LAMA3: variants seen among roughly 807,000 people sequenced by gnomAD.
LAMA3 encodes the protein laminin subunit alpha 3, also known as laminin subunit alpha-3.
LAMA3 carries 281 observed loss-of-function variants against 402.0 expected under a neutral mutation model. The observed-to-expected ratio is 0.70, with a 90% CI of 0.63 to 0.77. The LOEUF is 0.77. Among genes scored for constraint, LAMA3 ranks in the 30% least tolerant of loss-of-function variants. LAMA3 has a pLI of 0.00. For missense variants in LAMA3, 3,840 were observed against 4,215.5 expected, an observed-to-expected ratio of 0.91 and a Z score of 2.47; for synonymous variants, 1,431 against 1,558.4, an observed-to-expected ratio of 0.92 and a Z score of 1.93.
intron 15 of LAMA3, 54 bp from the exon 16 acceptor site, chr18:23,815,134 A>G: frequency 7.9e-6 from 12 of 1,510,762 alleles, no homozygotes; most frequent in Non-Finnish European, 1.1e-5. Context: ...TCCCAGAGCC[A>G]GGAACTGTCT....
intron 1 of LAMA3, among the ~76,000 whole-genome samples, chr18:23,698,307 C>T (rs1028944306): frequency 5.3e-5 from 8 of 150,966 alleles, no homozygotes; most frequent in East Asian, 3.9e-4. Context: ...CCCGGGTTCA[C>T]GCCATTCTCC....
chr18:23,947,755 T>C (rs965505743), intron 70 of LAMA3, among the ~76,000 whole-genome samples: 1 of 151,884 alleles, frequency 6.6e-6, no homozygotes, highest in Non-Finnish European at 1.5e-5. Flanking sequence ...ACACATTAAT[T>C]GCTAAGGAGG....
intron 31 of LAMA3, 118 bp from the exon 32 acceptor site, chr18:23,847,346 T>A: frequency 9.3e-7 from 1 of 1,079,304 alleles, no homozygotes; most frequent in Non-Finnish European, 1.4e-6. Flanking sequence ...GCCTTTCAGA[T>A]CCAAATATTT....
At chr18:23,780,982 C>A (rs1463024585) in intron 11 of LAMA3, among the ~76,000 whole-genome samples, 3 of 152,136 alleles carry the variant, frequency 2.0e-5, no homozygotes, top group Non-Finnish European at 4.4e-5. Flanking sequence ...TTAGGAAGTT[C>A]TCAAAATAAT....
At chr18:23,885,705 A>G (rs73967622) in intron 41 of LAMA3, among the ~76,000 whole-genome samples, 5,601 of 152,268 alleles carry the variant, frequency 0.037, 224 homozygotes, top group African/African-American at 0.1. Flanking sequence ...TATGGTTTAC[A>G]TATTTTAAAA....
intron 32 of LAMA3, among the ~76,000 whole-genome samples, chr18:23,856,871 T>G (rs1321038048): frequency 1.3e-5 from 2 of 152,182 alleles, no homozygotes; most frequent in African/African-American, 4.8e-5. Context: ...CCTCCCCATC[T>G]GGATACCTTT....
At chr18:23,797,808 C>T (rs1479242436) in intron 12 of LAMA3, among the ~76,000 whole-genome samples, 1 of 152,042 alleles carries the variant, frequency 6.6e-6, no homozygotes, top group Non-Finnish European at 1.5e-5. Flanking sequence ...TTATGTTTTG[C>T]ATTAAATTAA....
At chr18:23,936,623 G>A (rs563466240) in intron 67 of LAMA3, among the ~76,000 whole-genome samples, 78 of 152,238 alleles carry the variant, frequency 5.1e-4, no homozygotes, top group African/African-American at 1.5e-3. Flanking sequence ...AGTTGAGGGC[G>A]TGGCTTCTGA....
In LAMA3 at chr18:23,881,944, G is replaced by A. The variant is rs753108460; in HGVS notation, c.5121G>A (p.Gln1707=). ...QDGSGICVNC[Q]HNTAGEHCER... ...TGTTCACCTGTCCCCAGAACTGTCA[G>A]CACAACACCGCGGGAGAGCACTGTG... Residue 1707 remains glutamine (Q), a synonymous_variant, in exon 40 of 75, where the codon CAG becomes CAA. Coordinates refer to ENST00000313654, the MANE Select transcript of LAMA3 (RefSeq NM_198129.4). The A allele has an allele frequency of 6.2e-7, 1 of 1,613,050 alleles. No individual in the cohort carries two copies.
At chr18:23,911,226 A>G (rs1422197132) in intron 55 of LAMA3, among the ~76,000 whole-genome samples, 1 of 152,170 alleles carries the variant, frequency 6.6e-6, no homozygotes, top group East Asian at 1.9e-4. Context: ...ATGAGCCTGC[A>G]AATGTGGGAC....
chr18:23,796,992 G>A (rs1451848684), intron 12 of LAMA3, among the ~76,000 whole-genome samples: 1 of 152,118 alleles, frequency 6.6e-6, no homozygotes, highest in Non-Finnish European at 1.5e-5. Context: ...GGCCCCGGTG[G>A]GTGAAGGTCT....
chr18:23,937,064 T>G (rs1751153320), intron 67 of LAMA3, among the ~76,000 whole-genome samples: 1 of 152,108 alleles, frequency 6.6e-6, no homozygotes, highest in South Asian at 2.1e-4. Flanking sequence ...CGTAATCATC[T>G]AGGCAAAAGA....
intron 12 of LAMA3, 85 bp from the exon 13 acceptor site, chr18:23,810,281 C>A (rs1334267510): frequency 4.6e-6 from 7 of 1,528,808 alleles, no homozygotes; most frequent in African/African-American, 1.4e-5. Flanking sequence ...TCTGGCTCCA[C>A]CCTCATGCTC....
intron 27 of LAMA3, among the ~76,000 whole-genome samples, chr18:23,841,572 G>T (rs1369024342): frequency 6.6e-6 from 1 of 152,238 alleles, no homozygotes; most frequent in East Asian, 1.9e-4. Flanking sequence ...TTTGGGTGTG[G>T]GACAAAAGGG....
rs748348534 is a variant in LAMA3, at chr18:23,858,003, GC to G, written c.4281+16del. 2.5e-6 allele frequency: 4 copies of G among 1,614,018 alleles called. No individual in the cohort carries two copies. The African/African-American group carries it at 4.0e-5, about 16-fold the overall frequency. On this transcript the variant is annotated intron_variant, in intron 33 of 74. Coordinates refer to ENST00000313654, the MANE Select transcript of LAMA3 (RefSeq NM_198129.4). Reference sequence around the variant, plus strand: ...GCCTCTGCAAGGTAAGAGAGATCGTGCAATGCCAGACAACAGCTGCCGGTCA... The same window carrying G: ...GCCTCTGCAAGGTAAGAGAGATCGTGAATGCCAGACAACAGCTGCCGGTCA...
chr18:23,951,703 G>T lies in LAMA3; in HGVS notation c.9662G>T (p.Ser3221Ile), dbSNP rs1170915548. The T allele has an allele frequency of 6.2e-7, 1 of 1,614,026 alleles. No individual in the cohort carries two copies. The highest frequency in any genetic ancestry group is 1.1e-5 in the South Asian group (1 of 91,056). The change falls in exon 73 of 75, where the codon AGT becomes ATT. Residue 3221 changes from serine (S) to isoleucine (I), a missense_variant. Ser to Ile is a moderately radical substitution (Grantham distance 142). Around this residue, in one of 3 missense-constraint regions of LAMA3, gnomAD observed 840 missense variants for 981.9 expected, o/e 0.86. Coordinates refer to ENST00000313654, the MANE Select transcript of LAMA3 (RefSeq NM_198129.4). ...EAGKVTASMD[S>I]GAGGTSTSVT... ...TTCCAGGTCACGGCCTCTATGGACA[G>T]TGGGGCAGGTGGGACCTCAACGTCG...
chr18:23,764,521 A>G (rs2062036295), intron 8 of LAMA3, among the ~76,000 whole-genome samples: 1 of 151,342 alleles, frequency 6.6e-6, no homozygotes, highest in African/African-American at 2.4e-5. Context: ...TCTCTCAGTG[A>G]TATTATGTTT....
At chr18:23,938,098 A>G (rs2082366806) in intron 67 of LAMA3, among the ~76,000 whole-genome samples, 1 of 152,142 alleles carries the variant, frequency 6.6e-6, no homozygotes, top group South Asian at 2.1e-4. Context: ...GCTTCTGGGA[A>G]TCACATCCGC....
chr18:23,740,805 T>C (rs1179073021), intron 2 of LAMA3, among the ~76,000 whole-genome samples: 6 of 152,124 alleles, frequency 3.9e-5, no homozygotes, highest in Non-Finnish European at 7.4e-5. Context: ...CAGAATGAGA[T>C]GCTAGTGTGG....
Sources: gnomAD v4.1 joint callset for allele counts (sites outside exome capture counted in the v4.1 genomes callset) on GRCh38, gnomAD v4.1.1 for gene constraint, gnomAD v4.1.1 regional missense constraint, MANE v1.5 for transcripts, NCBI Gene and HGNC (gene_info 2026-07-23, HGNC 2026-07-21) for gene names.